Variants in DOCK1 observed in about 807,000 individuals in gnomAD.
The protein encoded by DOCK1 is dedicator of cytokinesis protein 1.
In DOCK1, 138 loss-of-function variants were observed where a neutral mutation model predicts 262.7. The observed-to-expected ratio is 0.53, with a 90% CI of 0.46 to 0.61. DOCK1 has a LOEUF of 0.61. Ranked by LOEUF, DOCK1 falls within the 20% of genes least tolerant of loss-of-function variation. The pLI is 0.00. For synonymous variants in DOCK1, 866 were observed against 867.4 expected, an observed-to-expected ratio of 1.00 and a Z score of 0.03; for missense variants, 1,908 against 2,370.7, an observed-to-expected ratio of 0.80 and a Z score of 4.05.
Position 127,446,458 on chromosome 10 carries a change from A to G in DOCK1, c.5414-936A>G, listed in dbSNP as rs2070564052. Among the ~76,000 whole-genome samples, 1 of 152,120 alleles carries G rather than the reference A, an allele frequency of 6.6e-6. No individual in the cohort carries two copies. The highest frequency in any genetic ancestry group is 1.5e-5 in the Non-Finnish European group (1 of 68,028). ...CCCTAAAGGATGGCTAAAATGGCAA[A>G]TTTTATGTCGTGTATATCTTACCAC... On this transcript the variant is annotated intron_variant, in intron 50 of 51. Transcript: ENST00000623213. This position sits in a 1 kb window ranked among gnomAD's most constrained non-coding sequence, Gnocchi z 4.4.
At chr10:126,965,617 G>A (rs2037613759) in intron 1 of DOCK1, among the ~76,000 whole-genome samples, 1 of 152,118 alleles carries the variant, frequency 6.6e-6, no homozygotes, top group African/African-American at 2.4e-5. Context: ...CAGTCACAAC[G>A]CCCCTGTAGA....
intron 22 of DOCK1, among the ~76,000 whole-genome samples, chr10:127,055,662 G>C (rs1394199403): frequency 6.6e-6 from 1 of 152,140 alleles, no homozygotes; most frequent in Non-Finnish European, 1.5e-5. Context: ...CTCATTCTGG[G>C]TTACTAAATC....
In DOCK1 at chr10:127,301,736, A is replaced by G. The variant is rs192733682; in HGVS notation, c.3045-37270A>G. 3.1e-3 allele frequency among the ~76,000 whole-genome samples: 469 copies of G among 152,232 alleles called. 7 individuals are homozygous for G. Among genetic ancestry groups the G allele is most frequent in the African/African-American group, 0.011 (449 of 41,532 alleles). On this transcript the variant is annotated intron_variant, in intron 29 of 51. Coordinates refer to ENST00000623213, the MANE Select transcript of DOCK1 (RefSeq NM_001290223.2). ...CGAGGAGGGCAGATCACTTGAGGTC[A>G]GGAGTTCGAGACCAGCCTAGCCAAT...
intron 29 of DOCK1, among the ~76,000 whole-genome samples, chr10:127,322,378 T>C (rs2720969): frequency 0.5 from 75,033 of 150,566 alleles, 18,927 homozygotes; most frequent in African/African-American, 0.61. Context: ...TTAGTAGTGA[T>C]GGGGTTTCCC....
At chr10:127,154,298 C>T (rs968876692) in intron 27 of DOCK1, among the ~76,000 whole-genome samples, 1 of 152,232 alleles carries the variant, frequency 6.6e-6, no homozygotes, top group Non-Finnish European at 1.5e-5. Context: ...GTTTGCTCTA[C>T]CCCACCTGTC....
At position 126,987,539 on chromosome 10, in the gene DOCK1, C is replaced by G; in HGVS notation, c.246C>G (p.Ile82Met). Residue 82 changes from isoleucine (I) to methionine (M), a missense_variant, in exon 5 of 52, where the codon ATC (isoleucine) becomes ATG (methionine). Coordinates refer to ENST00000623213, the MANE Select transcript of DOCK1 (RefSeq NM_001290223.2). ...VEGKGQHETV[I>M]PGDLPLIQEV... is the part of the protein sequence containing the mutation. Reference sequence around the variant, plus strand: ...CTCCCAGGCAACATGAAACAGTCATCCCGGGTGACCTCCCCCTCATCCAGG... The same window carrying G: ...CTCCCAGGCAACATGAAACAGTCATGCCGGGTGACCTCCCCCTCATCCAGG... The G allele has an allele frequency of 6.3e-7, 1 of 1,579,522 alleles. No individual in the cohort carries two copies. Among genetic ancestry groups the G allele is most frequent in the East Asian group, 2.3e-5 (1 of 43,050 alleles).
At chr10:127,421,826 A>G (rs955472652) in intron 46 of DOCK1, among the ~76,000 whole-genome samples, 5 of 152,226 alleles carry the variant, frequency 3.3e-5, no homozygotes, top group Admixed American at 6.5e-5. Flanking sequence ...AAGGCTGAGT[A>G]ATACTCCATT....
chr10:127,176,396 G>C lies in DOCK1; in HGVS notation c.2847+48632G>C, dbSNP rs2055160027. On this transcript the variant is annotated intron_variant, in intron 27 of 51. Coordinates refer to ENST00000623213, the MANE Select transcript of DOCK1 (RefSeq NM_001290223.2). This position sits in a 1 kb window ranked among gnomAD's most constrained non-coding sequence, Gnocchi z 4.4. ...ATTTGCCGGTGTCCTTACTGACCAT[G>C]GTTCCTGCATTCAGAAACAGCAACA... is the stretch of plus-strand genomic sequence containing the variant. The C allele has an allele frequency of 1.3e-6, 2 of 1,596,878 alleles. No homozygotes were observed. Among genetic ancestry groups the C allele is most frequent in the Non-Finnish European group, 1.7e-6 (2 of 1,172,156 alleles).
rs116527059 is a variant in DOCK1, at chr10:127,229,645, G to A, written c.2848-18363G>A. ...GTATCCATCCATTGATGCACGCTTA[G>A]GCTGTTTCCCTATTTTGACTATTGT... On this transcript the variant is annotated intron_variant, in intron 27 of 51. Transcript: ENST00000623213. Among the ~76,000 whole-genome samples the A allele has an allele frequency of 3.2e-3, 482 of 152,208 alleles. 1 individual carries two copies. The highest frequency in any genetic ancestry group is 0.01 in the African/African-American group (427 of 41,546).
At chr10:126,950,748 GT>G (rs1189313621) in intron 1 of DOCK1, among the ~76,000 whole-genome samples, 2 of 152,114 alleles carry the variant, frequency 1.3e-5, no homozygotes, top group East Asian at 3.9e-4. Context: ...TGGGGTTTTT[GT>G]TAGCCCCACT....
chr10:127,125,726 T>G, intron 26 of DOCK1, 125 bp downstream of exon 26: 1 of 1,353,320 alleles, frequency 7.4e-7, no homozygotes, highest in Non-Finnish European at 9.7e-7. Flanking sequence ...TCTTTTTGTC[T>G]CGGTAGAGTT....
At chr10:127,102,249 G>A (rs1244282929) in intron 23 of DOCK1, among the ~76,000 whole-genome samples, 1 of 152,308 alleles carries the variant, frequency 6.6e-6, no homozygotes, top group East Asian at 1.9e-4. Context: ...CTGGGCCAAA[G>A]ACTTCACTTT....
chr10:127,110,876 AT>A (rs1216279144), intron 25 of DOCK1, among the ~76,000 whole-genome samples: 1 of 152,020 alleles, frequency 6.6e-6, no homozygotes, highest in East Asian at 1.9e-4. Flanking sequence ...TTTAGTAATC[AT>A]TTTTTTTCTA....
At chr10:127,257,824 C>T (rs2059881581) in intron 29 of DOCK1, 1 of 157,624 alleles carries the variant, frequency 6.3e-6, no homozygotes, top group Admixed American at 6.3e-5. Context: ...TCACATATTT[C>T]AGTTTTTTTA....
At chr10:127,443,589 G>T (rs1449690444) in intron 49 of DOCK1, among the ~76,000 whole-genome samples, 1 of 152,080 alleles carries the variant, frequency 6.6e-6, no homozygotes, top group South Asian at 2.1e-4. Context: ...CACACGTGGG[G>T]CTCAGTGATC....
At chr10:127,417,137 C>G (rs1218475770) in intron 44 of DOCK1, among the ~76,000 whole-genome samples, 1 of 152,222 alleles carries the variant, frequency 6.6e-6, no homozygotes, top group African/African-American at 2.4e-5. Context: ...GAAAGCCGGA[C>G]ATGAAGATAC....
chr10:127,336,020 AT>A (rs879573448), intron 29 of DOCK1, among the ~76,000 whole-genome samples: 85 of 143,698 alleles, frequency 5.9e-4, no homozygotes, highest in Non-Finnish European at 5.7e-4. Flanking sequence ...CCAGCCTGTA[AT>A]TTTTTTTTTT....
chr10:127,028,271 A>G (rs768115950), intron 16 of DOCK1, among the ~76,000 whole-genome samples: 19 of 152,008 alleles, frequency 1.2e-4, no homozygotes, highest in Middle Eastern at 3.2e-3. Context: ...AGGCTACCAG[A>G]CCCCAGACCA....
rs182993476 is a variant in DOCK1, at chr10:127,060,505, C to T, written c.2337-1163C>T. Among the ~76,000 whole-genome samples the T allele has an allele frequency of 2.6e-3, 401 of 152,274 alleles. 2 individuals are homozygous for T. The highest frequency in any genetic ancestry group is 4.7e-3 in the Non-Finnish European group (318 of 68,016). The stretch of plus-strand genomic sequence containing the variant: ...TTATCACTTAGTTTACAAAATTTTC[C>T]ATTGTACACAAGTTTTCAGGTATCG... On this transcript the variant is annotated intron_variant, in intron 22 of 51. Coordinates refer to ENST00000623213, the MANE Select transcript of DOCK1 (RefSeq NM_001290223.2).
Sources: allele counts gnomAD v4.1 joint callset (sites outside exome capture counted in the v4.1 genomes callset), GRCh38; gene constraint gnomAD v4.1.1; non-coding constraint Gnocchi (gnomAD v3.1); transcripts MANE v1.5; gene names NCBI Gene and HGNC (gene_info 2026-07-23, HGNC 2026-07-21).